TENM2: variants seen among roughly 807,000 people sequenced by gnomAD.
TENM2 encodes teneurin-2.
A neutral mutation model predicts 245.2 loss-of-function variants in TENM2; 52 were observed. The ratio of observed to expected loss-of-function variants is 0.21; its 90% CI spans 0.17 to 0.27. The LOEUF is 0.27. Ranked by LOEUF, TENM2 falls within the 10% of genes least tolerant of loss-of-function variation. The probability of loss-of-function intolerance (pLI) is 1.00; values close to 1 mark genes in which losing one functional copy is unlikely to be tolerated. For missense variants in TENM2, 3,046 were observed against 3,666.8 expected, an observed-to-expected ratio of 0.83 and a Z score of 4.37; for synonymous variants, 1,363 against 1,438.9, an observed-to-expected ratio of 0.95 and a Z score of 1.19.
chr5:167,918,104 A>T (rs1164195233), intron 3 of TENM2, among the ~76,000 whole-genome samples: 1 of 152,228 alleles, frequency 6.6e-6, no homozygotes. Context: ...GTGAGAAAAA[A>T]ACACTGCCTG....
At chr5:167,320,345 T>G (rs1388354230) in intron 1 of TENM2, among the ~76,000 whole-genome samples, 3 of 152,150 alleles carry the variant, frequency 2.0e-5, no homozygotes, top group Non-Finnish European at 4.4e-5. Flanking sequence ...CACTGAAATA[T>G]AGTTAGGACC....
the TENM2 span, among the ~76,000 whole-genome samples, chr5:167,121,208 A>G: frequency 2.9e-3 from 437 of 152,256 alleles, 1 homozygote; most frequent in African/African-American, 9.1e-3. Flanking sequence ...ATTCTATTCC[A>G]GTGGGAATTG....
At chr5:168,129,645 A>G (rs1000797220) in intron 12 of TENM2, 8 of 152,226 alleles carry the variant, frequency 5.3e-5, no homozygotes, top group Non-Finnish European at 1.2e-4. Context: ...AAAACCAGAG[A>G]GATGTTCATA....
intron 2 of TENM2, among the ~76,000 whole-genome samples, chr5:167,580,161 CT>C (rs1774990549): frequency 6.6e-6 from 1 of 152,210 alleles, no homozygotes; most frequent in Non-Finnish European, 1.5e-5. Context: ...ACTCCCCTGT[CT>C]TTTTCCTAAC....
chr5:167,713,857 T>G (rs1001600992), intron 2 of TENM2, among the ~76,000 whole-genome samples: 1 of 152,210 alleles, frequency 6.6e-6, no homozygotes, highest in African/African-American at 2.4e-5. Flanking sequence ...CCTTTTCCCC[T>G]TCAGCATTCC....
chr5:168,002,457 G>A (rs1486688725), intron 5 of TENM2, among the ~76,000 whole-genome samples: 3 of 152,232 alleles, frequency 2.0e-5, no homozygotes, highest in African/African-American at 7.2e-5. Context: ...GGAAGGGTCA[G>A]TGGCAGTGTG....
At chr5:167,302,116 A>G (rs1355140208) in intron 1 of TENM2, among the ~76,000 whole-genome samples, 1 of 152,160 alleles carries the variant, frequency 6.6e-6, no homozygotes. Flanking sequence ...ACTGATGTGT[A>G]AAAGAATGCC....
At chr5:167,943,324 C>T (rs960244117) in intron 3 of TENM2, among the ~76,000 whole-genome samples, 2 of 152,046 alleles carry the variant, frequency 1.3e-5, no homozygotes, top group Non-Finnish European at 2.9e-5. Context: ...GAGGCACAAT[C>T]TCAAATCAAA....
chr5:168,256,852 A>G (rs1767714897), intron 27 of TENM2, among the ~76,000 whole-genome samples: 1 of 152,164 alleles, frequency 6.6e-6, no homozygotes, highest in Non-Finnish European at 1.5e-5. Flanking sequence ...GGGTTCTTAT[A>G]TATCCATATT....
At chr5:167,829,363 C>T (rs1768267271) in intron 2 of TENM2, among the ~76,000 whole-genome samples, 1 of 152,196 alleles carries the variant, frequency 6.6e-6, no homozygotes, top group Non-Finnish European at 1.5e-5. Flanking sequence ...GCACCACAAT[C>T]CTTTACAATA....
At chr5:167,084,365 A>ATATG in the TENM2 span, among the ~76,000 whole-genome samples, 4 of 122,484 alleles carry the variant, frequency 3.3e-5, no homozygotes, top group African/African-American at 1.2e-4. Flanking sequence ...ATATATATAT[A>ATATG]TACAGATCAG....
At chr5:168,018,642 A>G (rs1785872961) in intron 5 of TENM2, among the ~76,000 whole-genome samples, 1 of 152,176 alleles carries the variant, frequency 6.6e-6, no homozygotes, top group African/African-American at 2.4e-5. Context: ...ATGAATTCAG[A>G]AAATAGAGCT....
At chr5:167,105,526 G>C in the TENM2 span, among the ~76,000 whole-genome samples, 1 of 152,122 alleles carries the variant, frequency 6.6e-6, no homozygotes, top group Non-Finnish European at 1.5e-5. Flanking sequence ...ACAGCCTATG[G>C]TACTATGCAG....
chr5:167,987,918 T>C (rs1196194547), intron 4 of TENM2, among the ~76,000 whole-genome samples: 7 of 152,168 alleles, frequency 4.6e-5, no homozygotes, highest in African/African-American at 9.7e-5. Flanking sequence ...CTACTTATCG[T>C]TGGTTTTTTG....
the TENM2 span, among the ~76,000 whole-genome samples, chr5:167,012,149 T>A: frequency 1.5e-4 from 23 of 152,308 alleles, no homozygotes; most frequent in Admixed American, 3.3e-4. Context: ...TCTTGTAATG[T>A]CCCAGATCAA....
At chr5:168,228,031 C>T in exon 25 of TENM2, 1 of 1,613,920 alleles carries the variant, frequency 6.2e-7, no homozygotes, top group Non-Finnish European at 8.5e-7. Flanking sequence ...GACGCTGCAA[C>T]ATCTCCCTGC....
chr5:168,194,124 G>A (rs757319055), intron 14 of TENM2, among the ~76,000 whole-genome samples: 4 of 152,338 alleles, frequency 2.6e-5, no homozygotes, highest in South Asian at 2.1e-4. Context: ...GACAAAGGAC[G>A]GGTCAGTTGA....
rs57679459 is a variant in TENM2 at position 167,551,675 on chromosome 5, AATCT to A, written c.502+176209_502+176212del. Among the ~76,000 whole-genome samples, 1,046 of 152,282 alleles carry A rather than the reference AATCT, an allele frequency of 6.9e-3. 15 individuals are homozygous for A. Among genetic ancestry groups the A allele is most frequent in the African/African-American group, 0.023 (971 of 41,540 alleles). On this transcript the variant is annotated intron_variant, in intron 2 of 28. Transcript: ENST00000518659. ...ATAAAATATAAGTTTTGAATTATTT[AATCT>A]ATCTATGTATTCATTTGTTTATTTT...
At chr5:167,758,882 C>A (rs1044099584) in intron 2 of TENM2, among the ~76,000 whole-genome samples, 1 of 152,004 alleles carries the variant, frequency 6.6e-6, no homozygotes, top group African/African-American at 2.4e-5. Context: ...GATACAGAAA[C>A]AGCTAAAGCT....
Sources: gnomAD v4.1 joint callset for allele counts (sites outside exome capture counted in the v4.1 genomes callset) on GRCh38, gnomAD v4.1.1 for gene constraint, MANE v1.5 for transcripts, NCBI Gene and HGNC (gene_info 2026-07-23, HGNC 2026-07-21) for gene names.